The following FN1 variants were observed in gnomAD, a reference collection of about 807,000 sequenced individuals.
FN1 encodes the protein fibronectin 1.
A neutral mutation model predicts 297.3 loss-of-function variants in FN1; 106 were observed. The ratio of observed to expected loss-of-function variants is 0.36; its 90% CI spans 0.30 to 0.42. The LOEUF (loss-of-function observed/expected upper bound fraction) is 0.42, where lower values mean the gene tolerates loss of function less well. Among genes scored for constraint, FN1 ranks in the 10% least tolerant of loss-of-function variants. The probability of loss-of-function intolerance (pLI) is 1.00; values close to 1 mark genes in which losing one functional copy is unlikely to be tolerated. For missense variants in FN1, 2,690 were observed against 3,124.9 expected (o/e 0.86, Z 3.32); for synonymous variants, 1,149 against 1,152.6 (o/e 1.00, Z 0.06).
intron 5 of FN1, among the ~76,000 whole-genome samples, chr2:215,429,059 A>G (rs2066006724): frequency 6.6e-6 from 1 of 152,122 alleles, no homozygotes; most frequent in South Asian, 2.1e-4. Flanking sequence ...AGCAAACAAA[A>G]AAAAGCTTAT....
chr2:215,371,394 G>A (rs1202375884), intron 40 of FN1, among the ~76,000 whole-genome samples: 1 of 151,240 alleles, frequency 6.6e-6, no homozygotes. Flanking sequence ...GTTGTAGATA[G>A]TGGGGTTCTT....
chr2:215,366,096 G>A (rs954800316), intron 42 of FN1, among the ~76,000 whole-genome samples: 1 of 151,594 alleles, frequency 6.6e-6, no homozygotes, highest in South Asian at 2.1e-4. Flanking sequence ...GGGATTACAG[G>A]TGTGAGCCAC....
Position 215,401,239 on chromosome 2 carries a change from AAAGAAAGAAAGG to A in FN1, c.3254-1900_3254-1889del, listed in dbSNP as rs1219049509. Among the ~76,000 whole-genome samples the A allele has an allele frequency of 5.3e-3, 350 of 65,618 alleles. 9 individuals carry two copies. The highest frequency in any genetic ancestry group is 0.016 in the African/African-American group (287 of 17,420). 43.0% of individuals were successfully genotyped at this position (65,618 alleles called of 152,430 possible). On this transcript the variant is annotated intron_variant, in intron 20 of 45. Transcript: ENST00000354785. ...GAAAGAAAGAAAGAAAGAAAGAAAGAAAGAAAGAAAGGAAGAAAGAAAGGAAGGAAAGGAAAG... is the reference window on the plus strand; with the variant it reads ...GAAAGAAAGAAAGAAAGAAAGAAAGAAAGAAAGAAAGGAAGGAAAGGAAAG...
intron 40 of FN1, 121 bp from the exon 41 acceptor site, chr2:215,370,553 A>C: frequency 2.1e-6 from 1 of 467,168 alleles, no homozygotes; most frequent in African/African-American, 2.4e-5. Flanking sequence ...AAAACAAAAA[A>C]CAAAAAAAAA....
chr2:215,422,772 CTA>C (rs2064640008), intron 9 of FN1, among the ~76,000 whole-genome samples: 1 of 152,168 alleles, frequency 6.6e-6, no homozygotes. Context: ...TAAAGGGAAT[CTA>C]TGGGGTTCTT....
chr2:215,361,195 C>G lies in FN1; in HGVS notation c.*360G>C, dbSNP rs1469961960. On this transcript the variant is annotated 3_prime_UTR_variant, in exon 46 of 46. Transcript: ENST00000354785. ...AGTGAAAGCAGAAGTGTTTGGGTGA[C>G]TTTCCTACTTAAAATTTTGGTCATA... 1 of 266,946 alleles carries G rather than the reference C, an allele frequency of 3.7e-6. No homozygotes were observed. Among genetic ancestry groups the G allele is most frequent in the Non-Finnish European group, 7.3e-6 (1 of 136,528 alleles). 16.5% of individuals were successfully genotyped at this position (266,946 alleles called of 1,614,324 possible).
At chr2:215,386,994 A>C (rs752288127) in intron 27 of FN1, 36 bp from the exon 28 acceptor site, 1 of 1,582,262 alleles carries the variant, frequency 6.3e-7, no homozygotes, top group South Asian at 1.1e-5. Context: ...GAGAAAAAAA[A>C]AAGAAAAGAC....
chr2:215,370,227 ACAGAAAAGCC>A, intron 41 of FN1, 57 bp downstream of exon 41: 1 of 1,522,952 alleles, frequency 6.6e-7, no homozygotes, highest in Non-Finnish European at 9.1e-7. Flanking sequence ...GGTACAGTCA[ACAGAAAAGCC>A]CATCTCTGGT....
rs2056383411 is a variant in FN1, at chr2:215,372,346, G to A, written c.6277C>T (p.His2093Tyr). The change falls in exon 40 of 46, where the codon CAC becomes TAC. Residue 2093 changes from histidine (H) to tyrosine (Y), a missense_variant. By Grantham distance (83) the His-to-Tyr change is moderately conservative (BLOSUM62 2). Around this residue, in one of 3 missense-constraint regions of FN1, gnomAD observed 1,743 missense variants for 1,945.2 expected, o/e 0.90. Transcript: ENST00000354785. ...DELPQLVTLP[H>Y]PNLHGPEILD... ...ATCTCTGGTCCATGAAGATTGGGGT[G>A]TGGAAGGGTTACCAGTTGGGGAAGC... is the stretch of plus-strand genomic sequence containing the variant. 6.2e-7 allele frequency: 1 copy of A among 1,614,216 alleles called. No homozygotes were observed. The highest frequency in any genetic ancestry group is 8.5e-7 in the Non-Finnish European group (1 of 1,180,032).
At position 215,384,139 on chromosome 2, in the gene FN1, G is replaced by A. The variant is rs1228591738; in HGVS notation, c.4775C>T (p.Ser1592Phe). Reference sequence around the variant, plus strand: ...TTTAAGGCCGCTGATGGTAGCTGTAGACTTGCTCCCAGGCACAGTGAACTC... The same window carrying A: ...TTTAAGGCCGCTGATGGTAGCTGTAAACTTGCTCCCAGGCACAGTGAACTC... ...VQEFTVPGSK[S>F]TATISGLKPG... The change falls in exon 30 of 46, where the codon TCT becomes TTT. Residue 1592 changes from serine to phenylalanine, a missense_variant. Physicochemically the swap from Ser to Phe is radical, Grantham distance 155 (BLOSUM62 -2). Coordinates refer to ENST00000354785, the MANE Select transcript of FN1 (RefSeq NM_212482.4). 2 of 1,614,122 alleles carry A rather than the reference G, an allele frequency of 1.2e-6. No homozygotes were observed. The highest frequency in any genetic ancestry group is 3.3e-5 in the Admixed American group (2 of 60,022).
rs78334856 is a variant in FN1 at position 215,394,539 on chromosome 2, G to T, written c.3785C>A (p.Thr1262Asn). Reference sequence around the variant, plus strand: ...TATTTTTCTATTACCTGGGATGATGGTATCAGAGATAGGGACACTTTCCTT... The same window carrying T: ...TATTTTTCTATTACCTGGGATGATGTTATCAGAGATAGGGACACTTTCCTT... ...DDKESVPISD[T>N]IIPEVPQLTD... The change falls in exon 24 of 46, where the codon ACC becomes AAC. Residue 1262 changes from threonine to asparagine, a missense_variant. This residue lies in a region of FN1 where 1,743 missense variants were observed against 1,945.2 expected (regional missense o/e 0.90). Coordinates refer to ENST00000354785, the MANE Select transcript of FN1 (RefSeq NM_212482.4). 102 of 1,612,760 alleles carry T rather than the reference G, an allele frequency of 6.3e-5. No homozygotes were observed. Among genetic ancestry groups the T allele is most frequent in the Admixed American group, 5.8e-4 (35 of 60,020 alleles).
intron 32 of FN1, chr2:215,381,467 T>C (rs1347104613): frequency 1.2e-5 from 4 of 320,598 alleles, no homozygotes; most frequent in South Asian, 2.8e-5. Context: ...CAAATTGTTA[T>C]AATTGTTTTG....
chr2:215,368,398 G>A (rs561507047), intron 41 of FN1, among the ~76,000 whole-genome samples: 123 of 152,122 alleles, frequency 8.1e-4, no homozygotes, highest in Non-Finnish European at 1.3e-3. Context: ...GTGACCTTGG[G>A]CCAGCTATTT....
In FN1 at chr2:215,383,322, T is replaced by C; in HGVS notation, c.5050+6A>G. 6.2e-7 allele frequency: 1 copy of C among 1,614,114 alleles called. No homozygotes were observed. The highest frequency in any genetic ancestry group is 8.5e-7 in the Non-Finnish European group (1 of 1,179,990). On this transcript the variant is annotated splice_donor_region_variant and intron_variant, in intron 31 of 45. Coordinates refer to ENST00000354785, the MANE Select transcript of FN1 (RefSeq NM_212482.4). Reference sequence around the variant, plus strand: ...CGCACCTGGCCGAGATGCAGATGATTCTTACCTGGACCTGCAGTTTTAGTT... The same window carrying C: ...CGCACCTGGCCGAGATGCAGATGATCCTTACCTGGACCTGCAGTTTTAGTT...
At position 215,397,229 on chromosome 2, in the gene FN1, C is replaced by T; in HGVS notation, c.3518-6G>A. On this transcript the variant is annotated splice_region_variant and splice_polypyrimidine_tract_variant and intron_variant, in intron 22 of 45. Coordinates refer to ENST00000354785, the MANE Select transcript of FN1 (RefSeq NM_212482.4). Reference sequence around the variant, plus strand: ...GTTTGTTGGTGGAGACAATGCTATGCAGAAAGAACATTTTAAAAGTCAAAG... The same window carrying T: ...GTTTGTTGGTGGAGACAATGCTATGTAGAAAGAACATTTTAAAAGTCAAAG... 2 of 1,604,510 alleles carry T rather than the reference C, an allele frequency of 1.2e-6. No homozygotes were observed. Among genetic ancestry groups the T allele is most frequent in the African/African-American group, 2.7e-5 (2 of 74,816 alleles).
At chr2:215,424,424 C>G in intron 7 of FN1, 99 bp from the exon 8 acceptor site, 2 of 963,254 alleles carry the variant, frequency 2.1e-6, no homozygotes, top group Non-Finnish European at 3.3e-6. Flanking sequence ...AGCTTGTGCC[C>G]TCAAAGGAAG....
rs757469872 is a variant in FN1 at position 215,394,681 on chromosome 2, C to T, written c.3643G>A (p.Gly1215Ser). 5.0e-6 allele frequency: 8 copies of T among 1,613,756 alleles called. No individual in the cohort carries two copies. The highest frequency in any genetic ancestry group is 2.2e-5 in the East Asian group (1 of 44,886). ...TCTTCCAAAGAATTTCCCTGCTGGCCGTTTGTAGGGGTTGTGGTAATTCTA... is the reference window on the plus strand; with the variant it reads ...TCTTCCAAAGAATTTCCCTGCTGGCTGTTTGTAGGGGTTGTGGTAATTCTA... ...GYRITTTPTN[G>S]QQGNSLEEVV... Residue 1215 changes from glycine to serine, a missense_variant, in exon 24 of 46, where the codon GGC becomes AGC. Physicochemically the swap from Gly to Ser is moderately conservative, Grantham distance 56 (BLOSUM62 0). Coordinates refer to ENST00000354785, the MANE Select transcript of FN1 (RefSeq NM_212482.4).
chr2:215,362,808 C>G (rs180952079), intron 44 of FN1: 3 of 152,922 alleles, frequency 2.0e-5, no homozygotes, highest in East Asian at 1.9e-4. Context: ...GTAAAGCAAG[C>G]TCATGGAGGT....
At chr2:215,379,858 A>G (rs1575364512) in intron 33 of FN1, 2 of 154,614 alleles carry the variant, frequency 1.3e-5, no homozygotes, top group Admixed American at 1.3e-4. Flanking sequence ...ACACCTCGCT[A>G]ATTTTTTCAT....
Sources: gnomAD v4.1 joint callset for allele counts (sites outside exome capture counted in the v4.1 genomes callset) on GRCh38, gnomAD v4.1.1 for gene constraint, gnomAD v4.1.1 regional missense constraint, MANE v1.5 for transcripts, NCBI Gene and HGNC (gene_info 2026-07-23, HGNC 2026-07-21) for gene names.